ITPR3: variants seen among roughly 807,000 people sequenced by gnomAD.
ITPR3 encodes the protein inositol 1,4,5-trisphosphate receptor type 3.
In ITPR3, 173 loss-of-function variants were observed where a neutral mutation model predicts 293.2. The observed-to-expected ratio is 0.59, with a 90% CI of 0.52 to 0.67. ITPR3 has a LOEUF of 0.67. ITPR3 is among the 30% of genes least tolerant of loss of function. The probability of loss-of-function intolerance (pLI) is 0.00; values close to 1 mark genes in which losing one functional copy is unlikely to be tolerated. For synonymous variants in ITPR3, 1,295 were observed against 1,444.4 expected (o/e 0.90, Z 2.35); for missense variants, 2,796 against 3,592.1 (o/e 0.78, Z 5.66).
chr6:33,677,444 T>A, intron 27 of ITPR3, 60 bp from the exon 28 acceptor site: 2 of 1,596,646 alleles, frequency 1.3e-6, no homozygotes, highest in Non-Finnish European at 1.7e-6. Context: ...TGTGGTGGGC[T>A]GGGCAGAGGG....
intron 39 of ITPR3, 113 bp downstream of exon 39, chr6:33,685,056 C>G: frequency 8.0e-7 from 1 of 1,243,982 alleles, no homozygotes. Flanking sequence ...GAGGAGAGGC[C>G]TGAGCAGTGG....
At chr6:33,663,122 C>T (rs1764518404) in intron 9 of ITPR3, 116 bp downstream of exon 9, 1 of 794,516 alleles carries the variant, frequency 1.3e-6, no homozygotes, top group Non-Finnish European at 2.1e-6. Context: ...ACCCTGACTT[C>T]TCTGCACTCA....
chr6:33,685,652 C>A lies in ITPR3; in HGVS notation c.5492C>A (p.Ala1831Asp). Residue 1831 changes from alanine to aspartate, a missense_variant, in exon 41 of 58, where the codon GCC (alanine) becomes GAC (aspartate). This residue lies in a region of ITPR3 where 704 missense variants were observed against 797.5 expected (regional missense o/e 0.88). Coordinates refer to ENST00000605930, the MANE Select transcript of ITPR3 (RefSeq NM_002224.4). ...CAGGTCTCGCCCACAGGCCGCGTGG[C>A]CTCCTTCTCGATACCTGGCTCCTCA... ...PVDPTTKGRV[A>D]SFSIPGSSSR... 1 of 1,585,480 alleles carries A rather than the reference C, an allele frequency of 6.3e-7. No individual in the cohort carries two copies. Among genetic ancestry groups the A allele is most frequent in the South Asian group, 1.1e-5 (1 of 86,980 alleles).
chr6:33,675,606 TGCTTGTGCCAGG>T lies in ITPR3; in HGVS notation c.3117-82_3117-71del, dbSNP rs1296941599. On this transcript the variant is annotated intron_variant, in intron 24 of 57. Transcript: ENST00000605930. This position sits in a 1 kb window ranked among gnomAD's most constrained non-coding sequence, Gnocchi z 5.0. Reference sequence around the variant, plus strand: ...TCTGCTAATTGGGTGGCGGAGAGTGTGCTTGTGCCAGGGCCCCTTACCCACCACGGACAGCAG... The same window carrying T: ...TCTGCTAATTGGGTGGCGGAGAGTGTGCCCCTTACCCACCACGGACAGCAG... 6.9e-7 allele frequency: 1 copy of T among 1,440,528 alleles called. No individual in the cohort carries two copies. The highest frequency in any genetic ancestry group is 9.3e-7 in the Non-Finnish European group (1 of 1,075,630). 89.2% of individuals were successfully genotyped at this position (1,440,528 alleles called of 1,614,324 possible).
rs1462454125 is a variant in ITPR3 at position 33,668,589 on chromosome 6, A to G, written c.1961A>G (p.Lys654Arg). The G allele has an allele frequency of 1.2e-6, 2 of 1,614,154 alleles. No individual in the cohort carries two copies. The highest frequency in any genetic ancestry group is 4.5e-5 in the East Asian group (2 of 44,880). The change falls in exon 17 of 58, where the codon AAG becomes AGG. Residue 654 changes from lysine (K) to arginine (R), a missense_variant. By Grantham distance (26) the Lys-to-Arg change is conservative. Around this residue, in one of 8 missense-constraint regions of ITPR3, gnomAD observed 955 missense variants for 1,180.8 expected, o/e 0.81. Transcript: ENST00000605930. The stretch of plus-strand genomic sequence containing the variant: ...CCCGTCACCCAAGAGCTCATCTGCA[A>G]GTGTGTGCTGGACCCCAAGAACAGT... ...AIPVTQELIC[K>R]CVLDPKNSDI...
intron 2 of ITPR3, among the ~76,000 whole-genome samples, chr6:33,640,761 G>A (rs1483048684): frequency 3.0e-4 from 45 of 152,212 alleles, no homozygotes; most frequent in Non-Finnish European, 5.9e-5. Context: ...ATTTTCTGGG[G>A]CCACACCCCA....
In ITPR3 at chr6:33,692,808, TG is replaced by T; in HGVS notation, c.7543del (p.Val2515Ter). ...VIIIVLNLIF[G>X]VIIDTFADLR... ...TCATCATTGTGCTGAACCTCATCTT[TG>T]GGGTAATCATCGACACCTTCGCTGA... On this transcript the variant is annotated frameshift_variant, in exon 55 of 58. Coordinates refer to ENST00000605930, the MANE Select transcript of ITPR3 (RefSeq NM_002224.4). LOFTEE classifies it high-confidence loss of function. This position sits in a 1 kb window ranked among gnomAD's most constrained non-coding sequence, Gnocchi z 4.2. The T allele has an allele frequency of 6.2e-7, 1 of 1,614,140 alleles. No individual in the cohort carries two copies. Among genetic ancestry groups the T allele is most frequent in the Non-Finnish European group, 8.5e-7 (1 of 1,180,024 alleles).
At position 33,663,563 on chromosome 6, in the gene ITPR3, G is replaced by A. The variant is rs1764532026; in HGVS notation, c.1005+13G>A. ...GGCAGCAGGAATGGTGAGGAGCAAA[G>A]CAGGTCTCCAGTGAGACCATGGGCC... On this transcript the variant is annotated intron_variant, in intron 10 of 57. Transcript: ENST00000605930. 2.5e-6 allele frequency: 4 copies of A among 1,603,970 alleles called. No individual in the cohort carries two copies. Among genetic ancestry groups the A allele is most frequent in the East Asian group, 2.2e-5 (1 of 44,516 alleles).
Position 33,670,485 on chromosome 6 carries a change from G to A in ITPR3, c.2350G>A (p.Val784Met), listed in dbSNP as rs758379265. ...CTCCTTCTGCCACCTGATGCTGCAC[G>A]TGCACGTGGACCGTGACCCCCAGGA... is the stretch of plus-strand genomic sequence containing the variant. ...RASFCHLMLHVHVDRDPQELV... is the reference protein window; with the variant it reads ...RASFCHLMLHMHVDRDPQELV... Residue 784 changes from valine (V) to methionine (M), a missense_variant, in exon 19 of 58, where the codon GTG becomes ATG. By Grantham distance (21) the Val-to-Met change is conservative. Coordinates refer to ENST00000605930, the MANE Select transcript of ITPR3 (RefSeq NM_002224.4). This position sits in a 1 kb window ranked among gnomAD's most constrained non-coding sequence, Gnocchi z 6.7. 3.1e-6 allele frequency: 5 copies of A among 1,613,916 alleles called. No individual in the cohort carries two copies. The highest frequency in any genetic ancestry group is 1.1e-5 in the South Asian group (1 of 91,084).
Position 33,671,120 on chromosome 6 carries a change from C to G in ITPR3, c.2587-45C>G, listed in dbSNP as rs41271251. ...TGCCCTCCACGAAGCCCCGCCCCTA[C>G]GCGCCGGCCCCTCCCACCTCACCTC... On this transcript the variant is annotated intron_variant, in intron 20 of 57. Coordinates refer to ENST00000605930, the MANE Select transcript of ITPR3 (RefSeq NM_002224.4). 4.4e-6 allele frequency: 7 copies of G among 1,607,694 alleles called. No individual in the cohort carries two copies. The African/African-American group carries it at 9.3e-5, about 21-fold the overall frequency.
chr6:33,680,708 GGGCCGACTTGCCTA>G, intron 33 of ITPR3, 28 bp downstream of exon 33: 4 of 1,593,254 alleles, frequency 2.5e-6, no homozygotes, highest in Non-Finnish European at 3.4e-6. Context: ...CACCACCCCA[GGGCCGACTTGCCTA>G]GCTTTTGTGA....
intron 7 of ITPR3, among the ~76,000 whole-genome samples, chr6:33,660,516 C>G (rs1764436192): frequency 6.6e-6 from 1 of 152,086 alleles, no homozygotes; most frequent in African/African-American, 2.4e-5. Context: ...TGCCTTCTCC[C>G]TCCCTCCCTC....
At position 33,663,995 on chromosome 6, in the gene ITPR3, T is replaced by TG. The variant is rs1273429636; in HGVS notation, c.1148+119dup. The TG allele has an allele frequency of 2.3e-6, 3 of 1,312,364 alleles. No homozygotes were observed. The African/African-American group carries it at 4.4e-5, about 19-fold the overall frequency. The allele number at this position is 1,312,364 out of a possible 1,614,324, so 81.3% of individuals were successfully genotyped here. A position where few individuals can be genotyped will look rare whatever the true frequency, so the allele number is the denominator to read the frequency against. On this transcript the variant is annotated intron_variant, in intron 11 of 57. Coordinates refer to ENST00000605930, the MANE Select transcript of ITPR3 (RefSeq NM_002224.4). ...CGCCCTCCTGCGGTCCTTTAGCCTC[T>TG]GGGGTCTCTGTAGGTCCCATCCCTC...
At chr6:33,671,387 T>G in intron 21 of ITPR3, 81 bp downstream of exon 21, 2 of 988,080 alleles carry the variant, frequency 2.0e-6, no homozygotes, top group Non-Finnish European at 3.0e-6. Context: ...GATCAACACC[T>G]TCCCCAGCCC....
Position 33,666,077 on chromosome 6 carries a change from T to C in ITPR3, c.1551+101T>C, listed in dbSNP as rs1422951496. On this transcript the variant is annotated intron_variant, in intron 14 of 57. Coordinates refer to ENST00000605930, the MANE Select transcript of ITPR3 (RefSeq NM_002224.4). The surrounding 1 kb of genome is among the most constrained non-coding windows in gnomAD (Gnocchi z 5.1). The stretch of plus-strand genomic sequence containing the variant: ...CCCCGCTTTAACAAAAATCAGTATA[T>C]ATGGGGCACGACCACGTGCCAGGGA... 5.7e-6 allele frequency: 8 copies of C among 1,391,602 alleles called. No individual in the cohort carries two copies. The highest frequency in any genetic ancestry group is 7.8e-6 in the Non-Finnish European group (8 of 1,027,894). 86.2% of individuals were successfully genotyped at this position (1,391,602 alleles called of 1,614,324 possible).
In ITPR3 at chr6:33,666,027, G is replaced by T; in HGVS notation, c.1551+51G>T. The T allele has an allele frequency of 6.5e-7, 1 of 1,542,510 alleles. No homozygotes were observed. Among genetic ancestry groups the T allele is most frequent in the South Asian group, 1.2e-5 (1 of 84,330 alleles). On this transcript the variant is annotated intron_variant, in intron 14 of 57. Transcript: ENST00000605930. This position sits in a 1 kb window ranked among gnomAD's most constrained non-coding sequence, Gnocchi z 5.1. ...CAGAGGGGCCGGGTGCCCGGGAGAGGGATGCCTTCAACTGCAGGCTCATCC... is the reference window on the plus strand; with the variant it reads ...CAGAGGGGCCGGGTGCCCGGGAGAGTGATGCCTTCAACTGCAGGCTCATCC...
At chr6:33,627,278 C>CA (rs1279856358) in intron 1 of ITPR3, among the ~76,000 whole-genome samples, 8 of 151,986 alleles carry the variant, frequency 5.3e-5, no homozygotes, top group African/African-American at 1.9e-4. Context: ...GTGAAAAACT[C>CA]AAAAAAATGA....
chr6:33,622,638 C>G (rs1327335275), intron 1 of ITPR3, among the ~76,000 whole-genome samples: 1 of 152,132 alleles, frequency 6.6e-6, no homozygotes, highest in African/African-American at 2.4e-5. Flanking sequence ...CTAGGGTACA[C>G]CCACCCTCCT....
Position 33,675,881 on chromosome 6 carries a change from C to T in ITPR3, c.3282+25C>T, listed in dbSNP as rs1157059879. The T allele has an allele frequency of 1.3e-6, 2 of 1,540,744 alleles. No homozygotes were observed. Among genetic ancestry groups the T allele is most frequent in the South Asian group, 1.2e-5 (1 of 82,924 alleles). On this transcript the variant is annotated intron_variant, in intron 25 of 57. Transcript: ENST00000605930. The surrounding 1 kb of genome is among the most constrained non-coding windows in gnomAD (Gnocchi z 5.0). ...GGTGACGGGACTACCTGGCCCTGGC[C>T]CTGAGCATGAGGCCTGCACCAGGCA...
Sources: gnomAD v4.1 joint callset for allele counts (sites outside exome capture counted in the v4.1 genomes callset) on GRCh38, gnomAD v4.1.1 for gene constraint, gnomAD v4.1.1 regional missense constraint, Gnocchi (gnomAD v3.1) non-coding constraint, MANE v1.5 for transcripts, NCBI Gene and HGNC (gene_info 2026-07-23, HGNC 2026-07-21) for gene names.